PDS5A: variants seen among roughly 807,000 people sequenced by gnomAD.
PDS5A encodes PDS5 cohesin associated factor A.
In PDS5A, 42 loss-of-function variants were observed where a neutral mutation model predicts 167.1. The ratio of observed to expected loss-of-function variants is 0.25; its 90% CI spans 0.20 to 0.33. The LOEUF (loss-of-function observed/expected upper bound fraction) is 0.33, where lower values mean the gene tolerates loss of function less well. PDS5A is among the 10% of genes least tolerant of loss of function. PDS5A has a pLI of 1.00. For missense variants in PDS5A, 1,033 were observed against 1,605.9 expected, an observed-to-expected ratio of 0.64 and a Z score of 6.10; for synonymous variants, 553 against 554.6, an observed-to-expected ratio of 1.00 and a Z score of 0.04.
intron 32 of PDS5A, 129 bp from the exon 33 acceptor site, chr4:39,825,617 TCTCA>T (rs1715225552): frequency 4.6e-6 from 3 of 648,784 alleles, no homozygotes; most frequent in Non-Finnish European, 7.5e-6. Context: ...AGCATCAGGA[TCTCA>T]CTCTGTCACT....
chr4:39,954,670 TA>T (rs777287409), intron 2 of PDS5A, among the ~76,000 whole-genome samples: 16,561 of 48,170 alleles, frequency 0.34, 1,599 homozygotes, highest in African/African-American at 0.45. Context: ...AAGAGATAAG[TA>T]AAAAAAAAAA....
intron 5 of PDS5A, among the ~76,000 whole-genome samples, chr4:39,924,039 A>C (rs1296493084): frequency 6.6e-6 from 1 of 152,194 alleles, no homozygotes; most frequent in Non-Finnish European, 1.5e-5. Flanking sequence ...TAAAGCATAA[A>C]ATATAAGGCC....
rs1719117270 is a variant in PDS5A at position 39,862,881 on chromosome 4, G to A, written c.2959C>T (p.Pro987Ser). 2 of 1,602,486 alleles carry A rather than the reference G, an allele frequency of 1.2e-6. No individual in the cohort carries two copies. The highest frequency in any genetic ancestry group is 1.7e-6 in the Non-Finnish European group (2 of 1,174,142). ...CTGAGTTACTTACCAGTAGCCATAG[G>A]ATTCTGCTTAATGTATTCCCTGCGT... ...SIRREYIKQN[P>S]MATEKLLSLL... Residue 987 changes from proline (P) to serine (S), a missense_variant, in exon 25 of 33, where the codon CCT becomes TCT. This residue lies in a region of PDS5A where 367 missense variants were observed against 686.7 expected (regional missense o/e 0.53). Transcript: ENST00000303538.
Position 39,874,335 on chromosome 4 carries a change from T to A in PDS5A, c.2231A>T (p.His744Leu). 6.2e-7 allele frequency: 1 copy of A among 1,613,082 alleles called. No individual in the cohort carries two copies. The highest frequency in any genetic ancestry group is 8.5e-7 in the Non-Finnish European group (1 of 1,179,090). ...GACTTCTTTATTTGTGAATATGGCG[T>A]GTATACAGTGCACAGCCTGTTTTGC... ...HQAKQAVHCI[H>L]AIFTNKEVQL... Residue 744 changes from histidine (H) to leucine (L), a missense_variant, in exon 20 of 33, where the codon CAC becomes CTC. By Grantham distance (99) the His-to-Leu change is moderately conservative. Around this residue, in one of 4 missense-constraint regions of PDS5A, gnomAD observed 367 missense variants for 686.7 expected, o/e 0.53. Transcript: ENST00000303538.
At chr4:39,907,949 T>C (rs754950309) in intron 11 of PDS5A, among the ~76,000 whole-genome samples, 1 of 152,166 alleles carries the variant, frequency 6.6e-6, no homozygotes, top group Non-Finnish European at 1.5e-5. Flanking sequence ...CATATAACCA[T>C]CATTATTGTC....
At chr4:39,957,157 G>A (rs1253022133) in intron 2 of PDS5A, among the ~76,000 whole-genome samples, 1 of 151,994 alleles carries the variant, frequency 6.6e-6, no homozygotes, top group African/African-American at 2.4e-5. Context: ...TGAAGTTATA[G>A]GATAATTATA....
intron 2 of PDS5A, among the ~76,000 whole-genome samples, chr4:39,947,549 GGAA>G (rs1264028269): frequency 4.6e-5 from 7 of 152,134 alleles, no homozygotes; most frequent in African/African-American, 1.7e-4. Flanking sequence ...GGGCCACACT[GGAA>G]GAAGAATTGT....
chr4:39,872,313 A>G (rs1047418652), intron 21 of PDS5A, among the ~76,000 whole-genome samples: 1 of 151,352 alleles, frequency 6.6e-6, no homozygotes. Context: ...AGTAGCTAGG[A>G]TTACAGCTGC....
intron 26 of PDS5A, among the ~76,000 whole-genome samples, chr4:39,856,283 A>G (rs1171698845): frequency 6.6e-6 from 1 of 152,204 alleles, no homozygotes; most frequent in East Asian, 1.9e-4. Flanking sequence ...GTCCAAGAAT[A>G]AAGACAAAAT....
chr4:39,901,053 G>A (rs569510149), intron 13 of PDS5A, among the ~76,000 whole-genome samples: 3 of 152,184 alleles, frequency 2.0e-5, no homozygotes, highest in Non-Finnish European at 2.9e-5. Context: ...TCTCTCTCCA[G>A]GAACACAGAT....
At chr4:39,938,386 C>T (rs1441310063) in intron 2 of PDS5A, among the ~76,000 whole-genome samples, 1 of 152,046 alleles carries the variant, frequency 6.6e-6, no homozygotes, top group Non-Finnish European at 1.5e-5. Context: ...GAAAACCCAT[C>T]TCTACTAAAA....
At chr4:39,923,523 C>A (rs377577540) in intron 5 of PDS5A, among the ~76,000 whole-genome samples, 10 of 151,534 alleles carry the variant, frequency 6.6e-5, no homozygotes, top group Admixed American at 4.6e-4. Context: ...GTAGCCCCAG[C>A]TACTCAGAAG....
intron 2 of PDS5A, among the ~76,000 whole-genome samples, chr4:39,947,912 T>A (rs1727927538): frequency 6.6e-6 from 1 of 152,172 alleles, no homozygotes; most frequent in Non-Finnish European, 1.5e-5. Flanking sequence ...ACATAAGTTT[T>A]GGTGAGGACA....
chr4:39,962,218 C>T (rs1267596608), intron 2 of PDS5A, among the ~76,000 whole-genome samples: 3 of 151,960 alleles, frequency 2.0e-5, no homozygotes, highest in Non-Finnish European at 4.4e-5. Context: ...CCGCCACGCT[C>T]GACTAATTTT....
chr4:39,866,414 G>A (rs2109555924), intron 23 of PDS5A, among the ~76,000 whole-genome samples: 1 of 152,262 alleles, frequency 6.6e-6, no homozygotes, highest in South Asian at 2.1e-4. Context: ...ACCGCGCCTG[G>A]CTGCCACTTA....
rs143185899 is a variant in PDS5A at position 39,882,883 on chromosome 4, G to T, written c.1887-3050C>A. On this transcript the variant is annotated intron_variant, in intron 17 of 32. Transcript: ENST00000303538. ...TCAAGTGCCTCTTCAAAACTGCTTG[G>T]GAAGTCTATGCTATACAACCACTGT... Among the ~76,000 whole-genome samples, 115 of 152,142 alleles carry T rather than the reference G, an allele frequency of 7.6e-4. 1 individual carries two copies. The highest frequency in any genetic ancestry group is 2.6e-3 in the African/African-American group (107 of 41,508).
intron 30 of PDS5A, among the ~76,000 whole-genome samples, chr4:39,844,411 G>A (rs1717378604): frequency 6.6e-6 from 1 of 150,582 alleles, no homozygotes; most frequent in East Asian, 1.9e-4. Flanking sequence ...GGAGGCAGAG[G>A]TTGCAGTGAA....
At chr4:39,947,131 C>T in intron 2 of PDS5A, among the ~76,000 whole-genome samples, 1 of 151,936 alleles carries the variant, frequency 6.6e-6, no homozygotes, top group East Asian at 1.9e-4. Flanking sequence ...TATTTCTATA[C>T]ACTTGGAATG....
intron 2 of PDS5A, among the ~76,000 whole-genome samples, chr4:39,955,532 C>T (rs1230034708): frequency 5.9e-5 from 9 of 151,772 alleles, no homozygotes; most frequent in South Asian, 4.2e-4. Context: ...CCCGGGGGAG[C>T]GGAGGTTGCA....
Sources: allele counts gnomAD v4.1 joint callset (sites outside exome capture counted in the v4.1 genomes callset), GRCh38; gene constraint gnomAD v4.1.1; regional missense constraint gnomAD v4.1.1; transcripts MANE v1.5; gene names NCBI Gene and HGNC (gene_info 2026-07-23, HGNC 2026-07-21).